BRINP2: variants seen among roughly 807,000 people sequenced by gnomAD.
BRINP2 encodes the protein BMP/retinoic acid-inducible neural-specific protein 2.
In BRINP2, 21 loss-of-function variants were observed where a neutral mutation model predicts 69.2. That is an observed-to-expected ratio of 0.30 (90% CI 0.22 to 0.44). The LOEUF is 0.44. Ranked by LOEUF, BRINP2 falls within the 20% of genes least tolerant of loss-of-function variation. The pLI is 1.00. For missense variants in BRINP2, 877 were observed against 986.0 expected (o/e 0.89, Z 1.48); for synonymous variants, 380 against 394.1 (o/e 0.96, Z 0.42).
chr1:177,252,879 A>G (rs1415864887), intron 2 of BRINP2, among the ~76,000 whole-genome samples: 1 of 152,108 alleles, frequency 6.6e-6, no homozygotes, highest in Non-Finnish European at 1.5e-5. Flanking sequence ...AGGTTCATCC[A>G]TGTTGCTGCA....
chr1:177,201,470 T>A (rs1019364219), intron 1 of BRINP2, among the ~76,000 whole-genome samples: 3 of 152,230 alleles, frequency 2.0e-5, no homozygotes, highest in Non-Finnish European at 2.9e-5. Context: ...GTCAAAGATT[T>A]TGCCTTGTAC....
chr1:177,264,327 T>G (rs1013825818), intron 4 of BRINP2, among the ~76,000 whole-genome samples: 5 of 152,146 alleles, frequency 3.3e-5, no homozygotes, highest in Admixed American at 2.0e-4. Context: ...TAACAGCTAT[T>G]TATGACAAAC....
In BRINP2 at chr1:177,255,924, T is replaced by C; in HGVS notation, c.275T>C (p.Phe92Ser). 6.2e-7 allele frequency: 1 copy of C among 1,614,046 alleles called. No individual in the cohort carries two copies. The highest frequency in any genetic ancestry group is 8.5e-7 in the Non-Finnish European group (1 of 1,179,958). ...FTTRYRIYRE[F>S]ARWKVNNLAL... Reference sequence around the variant, plus strand: ...TCCCTTGGCTTTTCCCCCAGGGAGTTTGCCCGTTGGAAGGTGAACAACTTG... The same window carrying C: ...TCCCTTGGCTTTTCCCCCAGGGAGTCTGCCCGTTGGAAGGTGAACAACTTG... Residue 92 changes from phenylalanine to serine, a missense_variant, in exon 3 of 8, where the codon TTT (phenylalanine) becomes TCT (serine). Transcript: ENST00000361539.
intron 1 of BRINP2, among the ~76,000 whole-genome samples, chr1:177,215,029 C>A (rs553400277): frequency 3.1e-4 from 47 of 152,236 alleles, no homozygotes; most frequent in African/African-American, 1.1e-3. Context: ...CTATCTGAGG[C>A]TTTGTACACT....
intron 1 of BRINP2, among the ~76,000 whole-genome samples, chr1:177,188,829 A>C (rs1648505948): frequency 6.6e-6 from 1 of 152,146 alleles, no homozygotes; most frequent in Non-Finnish European, 1.5e-5. Context: ...ATAGAAAAAA[A>C]CCCACACCTA....
In BRINP2 at chr1:177,281,521, G is replaced by A; in HGVS notation, c.2345G>A (p.Cys782Tyr). The change falls in exon 8 of 8, where the codon TGT (cysteine) becomes TAT (tyrosine). Residue 782 changes from cysteine to tyrosine, a missense_variant. Around this residue, in one of 3 missense-constraint regions of BRINP2, gnomAD observed 225 missense variants for 218.7 expected, o/e 1.03. Transcript: ENST00000361539. Reference protein sequence around the residue: ...NPVEYETGKLCS With the variant: ...NPVEYETGKLYS ...GTGGAATATGAGACCGGCAAACTCT[G>A]TAGCTAATGGGCGGCCCACTTCAGC... is the stretch of plus-strand genomic sequence containing the variant. 6.2e-7 allele frequency: 1 copy of A among 1,600,628 alleles called. No individual in the cohort carries two copies. Among genetic ancestry groups the A allele is most frequent in the Non-Finnish European group, 8.5e-7 (1 of 1,176,916 alleles).
intron 1 of BRINP2, among the ~76,000 whole-genome samples, chr1:177,200,118 C>T (rs1648858626): frequency 6.6e-6 from 1 of 151,172 alleles, no homozygotes; most frequent in Admixed American, 6.6e-5. Flanking sequence ...ATGCTGAAAC[C>T]CCATCTCTAT....
chr1:177,183,536 A>G (rs1289097729), intron 1 of BRINP2, among the ~76,000 whole-genome samples: 1 of 152,160 alleles, frequency 6.6e-6, no homozygotes, highest in Non-Finnish European at 1.5e-5. Flanking sequence ...TGGACTCATC[A>G]TGGCCTCAGG....
intron 3 of BRINP2, chr1:177,256,318 A>G: frequency 1.0e-6 from 1 of 985,336 alleles, no homozygotes; most frequent in Non-Finnish European, 1.2e-6. Context: ...GAGGAGGGGA[A>G]GTTGGGTATG....
intron 1 of BRINP2, among the ~76,000 whole-genome samples, chr1:177,179,821 G>T (rs1416058221): frequency 6.6e-6 from 1 of 152,120 alleles, no homozygotes; most frequent in Non-Finnish European, 1.5e-5. Flanking sequence ...TGATCAAGGA[G>T]GGGTATGCAG....
intron 2 of BRINP2, among the ~76,000 whole-genome samples, chr1:177,249,966 C>T (rs111867963): frequency 0.012 from 1,852 of 152,310 alleles, 56 homozygotes; most frequent in African/African-American, 0.043. Flanking sequence ...CTGGGAGCCC[C>T]TAGAGTCTGA....
At chr1:177,253,021 A>C (rs2204047) in intron 2 of BRINP2, among the ~76,000 whole-genome samples, 51,499 of 151,948 alleles carry the variant, frequency 0.34, 9,646 homozygotes, top group South Asian at 0.54. Flanking sequence ...GGGTGCAGAT[A>C]TCTCTTTGAT....
intron 1 of BRINP2, among the ~76,000 whole-genome samples, chr1:177,207,953 G>A (rs1379861278): frequency 2.0e-5 from 3 of 152,170 alleles, no homozygotes; most frequent in African/African-American, 4.8e-5. Context: ...AGTGCCAAAC[G>A]CCGCAGACAA....
At chr1:177,203,990 G>A (rs964413946) in intron 1 of BRINP2, among the ~76,000 whole-genome samples, 11 of 152,182 alleles carry the variant, frequency 7.2e-5, no homozygotes, top group African/African-American at 2.7e-4. Context: ...GACAGACCCC[G>A]CATAGGAGTG....
intron 1 of BRINP2, among the ~76,000 whole-genome samples, chr1:177,184,760 G>A (rs1648378677): frequency 6.6e-6 from 1 of 151,118 alleles, no homozygotes; most frequent in Admixed American, 6.6e-5. Flanking sequence ...ATACCTCATC[G>A]TCTACCCCAC....
At chr1:177,222,361 G>T (rs939128697) in intron 1 of BRINP2, among the ~76,000 whole-genome samples, 1 of 151,962 alleles carries the variant, frequency 6.6e-6, no homozygotes, top group Non-Finnish European at 1.5e-5. Flanking sequence ...GCCCAGGCTG[G>T]AGTGCAATGG....
chr1:177,222,249 T>C (rs1414269766), intron 1 of BRINP2, among the ~76,000 whole-genome samples: 1 of 152,084 alleles, frequency 6.6e-6, no homozygotes. Context: ...ATAACCCCTG[T>C]TGGAGCAATG....
At chr1:177,229,754 T>C (rs1051250652) in intron 1 of BRINP2, 47 bp from the exon 2 acceptor site, 1 of 1,340,334 alleles carries the variant, frequency 7.5e-7, no homozygotes, top group Non-Finnish European at 1.0e-6. Context: ...CACAGGCCCA[T>C]GGGGTAACAG....
intron 1 of BRINP2, among the ~76,000 whole-genome samples, chr1:177,201,735 C>G (rs1034623652): frequency 1.3e-5 from 2 of 152,146 alleles, no homozygotes; most frequent in Non-Finnish European, 2.9e-5. Context: ...AGGGAGGATT[C>G]CCTCTTTTTC....
Sources: allele counts gnomAD v4.1 joint callset (sites outside exome capture counted in the v4.1 genomes callset), GRCh38; gene constraint gnomAD v4.1.1; regional missense constraint gnomAD v4.1.1; transcripts MANE v1.5; gene names NCBI Gene and HGNC (gene_info 2026-07-23, HGNC 2026-07-21).